CD5L: variants seen among roughly 807,000 people sequenced by gnomAD.
CD5L encodes the protein CD5 antigen-like.
A neutral mutation model predicts 40.8 loss-of-function variants in CD5L; 39 were observed. That is an observed-to-expected ratio of 0.96 (90% CI 0.74 to 1.25). The LOEUF (loss-of-function observed/expected upper bound fraction) is 1.25, where lower values mean the gene tolerates loss of function less well. Ranked by LOEUF, CD5L falls within the 50% of genes most tolerant of loss-of-function variation. The pLI is 0.00. For synonymous variants in CD5L, 192 were observed against 169.6 expected (o/e 1.13, Z -1.03); for missense variants, 433 against 435.9 (o/e 0.99, Z 0.06).
Position 157,834,729 on chromosome 1 carries a change from G to A in CD5L, c.396C>T (p.Ser132=), listed in dbSNP as rs1656152001. Residue 132 remains serine (S), a synonymous_variant, in exon 4 of 6, where the codon TCC becomes TCT. Coordinates refer to ENST00000368174, the MANE Select transcript of CD5L (RefSeq NM_005894.3). ...ASCENPESSF[S]PVPEGVRLAD... ...CCAGCCTGACACCCTCTGGGACTGG[G>A]GAGAAAGAGCTCTCTGGGTCTGAGG... is the stretch of plus-strand genomic sequence containing the variant. The A allele has an allele frequency of 6.2e-7, 1 of 1,613,404 alleles. No homozygotes were observed. Among genetic ancestry groups the A allele is most frequent in the Non-Finnish European group, 8.5e-7 (1 of 1,179,388 alleles).
At chr1:157,830,396 T>A (rs1288012519), downstream of CD5L, among the ~76,000 whole-genome samples, 1 of 152,148 alleles carries the variant, frequency 6.6e-6, no homozygotes, top group Non-Finnish European at 1.5e-5. Flanking sequence ...TAAAACCTAG[T>A]GCTTTAAGAA....
rs41273459 is a variant in CD5L at position 157,834,474 on chromosome 1, A to G, written c.651T>C (p.Asp217=). 84 of 1,614,182 alleles carry G rather than the reference A, an allele frequency of 5.2e-5. No individual in the cohort carries two copies. Among genetic ancestry groups the G allele is most frequent in the Non-Finnish European group, 7.0e-5 (83 of 1,180,044 alleles). ...SCSGREATLQ[D]CPSGPWGKNT... is the part of the protein sequence containing the mutation. ...TCTTCCCCCAAGGCCCAGAAGGGCA[A>G]TCCTGAAGGGTTGCTTCTCGTCCTG... Residue 217 remains aspartate (D), a synonymous_variant, in exon 4 of 6, where the codon GAT becomes GAC. Transcript: ENST00000368174.
In CD5L at chr1:157,834,583, C is replaced by T. The variant is rs867270717; in HGVS notation, c.542G>A (p.Cys181Tyr). 6 of 1,614,222 alleles carry T rather than the reference C, an allele frequency of 3.7e-6. No homozygotes were observed. The highest frequency in any genetic ancestry group is 5.1e-6 in the Non-Finnish European group (6 of 1,180,040). Residue 181 changes from cysteine (C) to tyrosine (Y), a missense_variant, in exon 4 of 6, where the codon TGT becomes TAT. Transcript: ENST00000368174. Reference protein sequence around the residue: ...AAKVVCRQLGCGRAVLTQKRC... With the variant: ...AAKVVCRQLGYGRAVLTQKRC... ...TTTTTGAGTCAGTACAGCCCTCCCA[C>T]ATCCCAGCTGCCGGCACACCACCTT...
At chr1:157,832,963 A>G (rs2101936058) in intron 5 of CD5L, among the ~76,000 whole-genome samples, 1 of 152,294 alleles carries the variant, frequency 6.6e-6, no homozygotes, top group Non-Finnish European at 1.5e-5. Flanking sequence ...TCTCACGATC[A>G]ATACGTATAT....
intron 2 of CD5L, among the ~76,000 whole-genome samples, chr1:157,838,720 T>C (rs958091819): frequency 6.6e-6 from 1 of 152,126 alleles, no homozygotes. Flanking sequence ...TATCAGGGTA[T>C]AGGATTCTCC....
chr1:157,836,219 C>T (rs1337125844), intron 2 of CD5L, 64 bp from the exon 3 acceptor site: 4 of 1,287,996 alleles, frequency 3.1e-6, no homozygotes, highest in African/African-American at 3.0e-5. Flanking sequence ...TAGGCATGTA[C>T]TCAGTCAATC....
chr1:157,834,640 A>G lies in CD5L; in HGVS notation c.485T>C (p.Val162Ala), dbSNP rs376778996. 87 of 1,614,066 alleles carry G rather than the reference A, an allele frequency of 5.4e-5. No homozygotes were observed. Among genetic ancestry groups the G allele is most frequent in the Non-Finnish European group, 7.1e-5 (84 of 1,180,042 alleles). The change falls in exon 4 of 6, where the codon GTG (valine) becomes GCG (alanine). Residue 162 changes from valine to alanine, a missense_variant. Physicochemically the swap from Val to Ala is moderately conservative, Grantham distance 64. Coordinates refer to ENST00000368174, the MANE Select transcript of CD5L (RefSeq NM_005894.3). ...EVKHQNQWYT[V>A]CQTGWSLRAA... ...CCGGAGGCTCCAGCCTGTCTGGCACACGGTATACCACTGGTTCTGGTGCTT... is the reference window on the plus strand; with the variant it reads ...CCGGAGGCTCCAGCCTGTCTGGCACGCGGTATACCACTGGTTCTGGTGCTT...
intron 2 of CD5L, among the ~76,000 whole-genome samples, chr1:157,836,438 T>C (rs1172566497): frequency 1.3e-5 from 2 of 151,944 alleles, no homozygotes; most frequent in African/African-American, 2.4e-5. Flanking sequence ...GGAAAAGAGG[T>C]TGGTTGAAGA....
chr1:157,840,478 T>C (rs1391580338), intron 1 of CD5L, among the ~76,000 whole-genome samples: 1 of 152,242 alleles, frequency 6.6e-6, no homozygotes, highest in Non-Finnish European at 1.5e-5. Flanking sequence ...TGGTTTATCC[T>C]GGAATATTTT....
chr1:157,834,381 C>T (rs1416879901), intron 4 of CD5L, 26 bp downstream of exon 4: 4 of 1,567,518 alleles, frequency 2.6e-6, no homozygotes, highest in East Asian at 2.3e-5. Flanking sequence ...ATGAATAAAC[C>T]TAGTCTTTGG....
At chr1:157,832,285 TGAG>T (rs1327008730) in intron 5 of CD5L, among the ~76,000 whole-genome samples, 4 of 152,252 alleles carry the variant, frequency 2.6e-5, no homozygotes, top group Non-Finnish European at 5.9e-5. Context: ...ACTTAGGTTC[TGAG>T]GAGTTAAGTG....
rs1479920775 is a variant in CD5L, at chr1:157,836,152, G to A, written c.59C>T (p.Ser20Phe). 2 of 1,610,640 alleles carry A rather than the reference G, an allele frequency of 1.2e-6. No homozygotes were observed. Among genetic ancestry groups the A allele is most frequent in the African/African-American group, 1.3e-5 (1 of 74,866 alleles). Residue 20 changes from serine (S) to phenylalanine (F), a missense_variant, in exon 3 of 6, where the codon TCT (serine) becomes TTT (phenylalanine). Physicochemically the swap from Ser to Phe is radical, Grantham distance 155. Coordinates refer to ENST00000368174, the MANE Select transcript of CD5L (RefSeq NM_005894.3). ...AICTRPGFLA[S>F]PSGVRLVGGL... ...CCCCACCAGCCGCACTCCAGATGGA[G>A]ACGCTGCAAAGAGACGGGTTGTTAG...
Position 157,831,329 on chromosome 1 carries a change from G to T in CD5L, c.*635C>A, listed in dbSNP as rs1656041321. ...TGAAACATCATTTTTTACACGTCATGAAAAGGTCTAGGATTATAGGACGCT... is the reference window on the plus strand; with the variant it reads ...TGAAACATCATTTTTTACACGTCATTAAAAGGTCTAGGATTATAGGACGCT... On this transcript the variant is annotated 3_prime_UTR_variant, in exon 6 of 6. Transcript: ENST00000368174. The T allele has an allele frequency of 1.0e-6, 1 of 985,236 alleles. No individual in the cohort carries two copies. The allele number at this position is 985,236 out of a possible 1,614,324, so 61.0% of individuals were successfully genotyped here. A position where few individuals can be genotyped will look rare whatever the true frequency, so the allele number is the denominator to read the frequency against.
chr1:157,828,398 C>T (rs1017982718), downstream of CD5L, among the ~76,000 whole-genome samples: 3 of 152,172 alleles, frequency 2.0e-5, no homozygotes, highest in Admixed American at 1.3e-4. Context: ...CTGTGATGGA[C>T]AGGTCCTATG....
downstream of CD5L, among the ~76,000 whole-genome samples, chr1:157,827,126 T>G (rs933102152): frequency 4.6e-5 from 7 of 152,220 alleles, no homozygotes; most frequent in African/African-American, 7.2e-5. Context: ...ATTTTATATC[T>G]AATTAGATTA....
chr1:157,836,851 T>C (rs1187771654), intron 2 of CD5L, among the ~76,000 whole-genome samples: 2 of 152,098 alleles, frequency 1.3e-5, no homozygotes, highest in Non-Finnish European at 2.9e-5. Context: ...CCCCAAGAGT[T>C]TGGTCTAATT....
chr1:157,836,066 A>G lies in CD5L; in HGVS notation c.145T>C (p.Cys49Arg). Residue 49 changes from cysteine to arginine, a missense_variant, in exon 3 of 6, where the codon TGT (cysteine) becomes CGT (arginine). Coordinates refer to ENST00000368174, the MANE Select transcript of CD5L (RefSeq NM_005894.3). Reference sequence around the variant, plus strand: ...TCCTTAATGTCCCAGCCGTCATCACACACGGTGCCCCACTGGCCTTTCTGT... The same window carrying G: ...TCCTTAATGTCCCAGCCGTCATCACGCACGGTGCCCCACTGGCCTTTCTGT... ...VEQKGQWGTV[C>R]DDGWDIKDVA... 6.2e-7 allele frequency: 1 copy of G among 1,614,114 alleles called. No individual in the cohort carries two copies. Among genetic ancestry groups the G allele is most frequent in the Non-Finnish European group, 8.5e-7 (1 of 1,180,034 alleles).
chr1:157,838,146 C>T (rs1174552588), intron 2 of CD5L, among the ~76,000 whole-genome samples: 1 of 152,040 alleles, frequency 6.6e-6, no homozygotes, highest in Non-Finnish European at 1.5e-5. Context: ...TAGTTTCTTT[C>T]CTTTGCTTAA....
downstream of CD5L, among the ~76,000 whole-genome samples, chr1:157,830,731 T>C (rs1209894484): frequency 6.6e-6 from 1 of 152,182 alleles, no homozygotes; most frequent in Non-Finnish European, 1.5e-5. Flanking sequence ...TGTCTTTGGG[T>C]ACACAGGTTG....
Sources: allele counts gnomAD v4.1 joint callset (sites outside exome capture counted in the v4.1 genomes callset), GRCh38; gene constraint gnomAD v4.1.1; transcripts MANE v1.5; gene names NCBI Gene and HGNC (gene_info 2026-07-23, HGNC 2026-07-21).